AMMECR1: variants seen among roughly 807,000 people sequenced by gnomAD.
AMMECR1 encodes the protein AMMECR nuclear protein 1.
In AMMECR1, 3 loss-of-function variants were observed where a neutral mutation model predicts 22.5. The ratio of observed to expected loss-of-function variants is 0.13; its 90% CI spans 0.06 to 0.35. The LOEUF (loss-of-function observed/expected upper bound fraction) is 0.35, where lower values mean the gene tolerates loss of function less well. AMMECR1 is among the 10% of genes least tolerant of loss of function. AMMECR1 has a pLI of 1.00. For synonymous variants in AMMECR1, 130 were observed against 116.7 expected, an observed-to-expected ratio of 1.11 and a Z score of -0.74; for missense variants, 235 against 278.7, an observed-to-expected ratio of 0.84 and a Z score of 1.12.
At chrX:110,338,080 G>T (rs1215293155) in intron 2 of AMMECR1, among the ~76,000 whole-genome samples, 2 of 112,002 alleles carry the variant, frequency 1.8e-5, no homozygotes, top group Non-Finnish European at 3.8e-5. Flanking sequence ...AGAATGGGGA[G>T]TCATTGTTTA....
intron 2 of AMMECR1, among the ~76,000 whole-genome samples, chrX:110,373,585 T>G (rs1303152644): frequency 3.6e-5 from 4 of 112,475 alleles, no homozygotes; most frequent in African/African-American, 1.3e-4. Flanking sequence ...ATGAGTTAGT[T>G]GGTATATACA....
chrX:110,213,685 G>C (rs1340778777), intron 3 of AMMECR1, among the ~76,000 whole-genome samples: 1 of 111,659 alleles, frequency 9.0e-6, no homozygotes, highest in South Asian at 3.7e-4. Context: ...TCTGTGTTTA[G>C]TAATGCTTTT....
At chrX:110,418,518 C>T (rs887404275) in intron 2 of AMMECR1, among the ~76,000 whole-genome samples, 43 of 111,816 alleles carry the variant, frequency 3.8e-4, no homozygotes, top group African/African-American at 1.3e-3. Context: ...TTTTTCCAGC[C>T]GTCAGATTTC....
At chrX:110,292,652 T>C (rs917158015) in intron 1 of AMMECR1, among the ~76,000 whole-genome samples, 1 of 112,363 alleles carries the variant, frequency 8.9e-6, no homozygotes. Flanking sequence ...TGTGACACTC[T>C]GAAAAAGGCA....
intron 2 of AMMECR1, among the ~76,000 whole-genome samples, chrX:110,391,295 A>T (rs760864443): frequency 4.5e-5 from 5 of 111,913 alleles, no homozygotes; most frequent in Non-Finnish European, 7.5e-5. Flanking sequence ...TGTGACTGCC[A>T]CATGGGCCCT....
intron 2 of AMMECR1, chrX:110,418,959 G>T (rs765987712): frequency 8.3e-5 from 9 of 108,602 alleles, no homozygotes; most frequent in African/African-American, 3.0e-4. Flanking sequence ...ACTCTAATGT[G>T]CATTGCCTAT....
intron 3 of AMMECR1, among the ~76,000 whole-genome samples, chrX:110,204,057 A>G (rs923976567): frequency 1.1e-4 from 12 of 111,741 alleles, no homozygotes; most frequent in Non-Finnish European, 2.1e-4. Context: ...TATAGCTGAG[A>G]AGAAATATGA....
chrX:110,249,513 T>G (rs1421735083), intron 2 of AMMECR1, among the ~76,000 whole-genome samples: 1 of 111,567 alleles, frequency 9.0e-6, no homozygotes, highest in Admixed American at 9.6e-5. Flanking sequence ...TGAGGTAACT[T>G]ATATAAAATA....
At chrX:110,256,633 G>A (rs747074263) in intron 2 of AMMECR1, among the ~76,000 whole-genome samples, 1 of 111,084 alleles carries the variant, frequency 9.0e-6, no homozygotes, top group East Asian at 2.8e-4. Flanking sequence ...AAGGACTTAC[G>A]ATGCAATAAG....
chrX:110,349,011 AG>A (rs1335214219), intron 2 of AMMECR1, among the ~76,000 whole-genome samples: 1 of 112,380 alleles, frequency 8.9e-6, no homozygotes, highest in Non-Finnish European at 1.9e-5. Context: ...AATGAGCAAA[AG>A]AAATTCAGTG....
chrX:110,311,238 C>T (rs2068021933), intron 1 of AMMECR1, among the ~76,000 whole-genome samples: 1 of 111,875 alleles, frequency 8.9e-6, no homozygotes, highest in African/African-American at 3.3e-5. Context: ...TCTGTACCTC[C>T]TCCATTTCAA....
At position 110,313,241 on chromosome X, in the gene AMMECR1, G is replaced by A. The variant is rs757806433; in HGVS notation, c.473+4358C>T. ...TCAGAGTCTCAAAATCTGCATATGC[G>A]GGAGTGGATTTTTTTAAAATACATT... On this transcript the variant is annotated intron_variant, in intron 1 of 5. Transcript: ENST00000262844. Among the ~76,000 whole-genome samples the A allele has an allele frequency of 5.4e-5, 6 of 111,761 alleles. No individual in the cohort carries two copies. The East Asian group carries it at 8.3e-4, about 16-fold the overall frequency.
At chrX:110,398,660 T>C (rs1356085755) in intron 2 of AMMECR1, among the ~76,000 whole-genome samples, 3 of 112,055 alleles carry the variant, frequency 2.7e-5, no homozygotes, top group Non-Finnish European at 5.6e-5. Flanking sequence ...ATCTTAACTG[T>C]ATCACACCAC....
At chrX:110,382,938 G>T (rs1196885943) in intron 2 of AMMECR1, among the ~76,000 whole-genome samples, 1 of 111,969 alleles carries the variant, frequency 8.9e-6, no homozygotes, top group Non-Finnish European at 1.9e-5. Flanking sequence ...TTCTTTGGTG[G>T]CCCATGGCCT....
At chrX:110,427,814 G>T (rs2068765084) in intron 1 of AMMECR1, among the ~76,000 whole-genome samples, 1 of 111,892 alleles carries the variant, frequency 8.9e-6, no homozygotes, top group South Asian at 3.7e-4. Flanking sequence ...GGAGTCATTT[G>T]CAATTCTCTT....
At chrX:110,349,754 T>C (rs1300734442) in intron 2 of AMMECR1, among the ~76,000 whole-genome samples, 1 of 112,034 alleles carries the variant, frequency 8.9e-6, no homozygotes, top group Non-Finnish European at 1.9e-5. Context: ...TTAGGTATTA[T>C]TATCATTATA....
At chrX:110,222,245 A>C (rs1353232092) in intron 2 of AMMECR1, among the ~76,000 whole-genome samples, 4 of 85,141 alleles carry the variant, frequency 4.7e-5, no homozygotes, top group Non-Finnish European at 9.1e-5. Context: ...GCACATATAC[A>C]CCATGGAATA....
At chrX:110,314,240 T>C (rs886250803) in intron 1 of AMMECR1, among the ~76,000 whole-genome samples, 39 of 111,645 alleles carry the variant, frequency 3.5e-4, no homozygotes, top group African/African-American at 1.3e-3. Flanking sequence ...ATTTCCCAGG[T>C]GATGTCTTCT....
At chrX:110,273,868 T>C (rs2067812096) in intron 1 of AMMECR1, among the ~76,000 whole-genome samples, 1 of 112,418 alleles carries the variant, frequency 8.9e-6, no homozygotes, top group Non-Finnish European at 1.9e-5. Flanking sequence ...CATGCTGTTT[T>C]AGTTTCAGTT....
Sources: allele counts gnomAD v4.1 joint callset (sites outside exome capture counted in the v4.1 genomes callset), GRCh38; gene constraint gnomAD v4.1.1; transcripts MANE v1.5; gene names NCBI Gene and HGNC (gene_info 2026-07-23, HGNC 2026-07-21).